Variants in OTOA observed in about 807,000 individuals in gnomAD.
OTOA encodes cancer/testis antigen 108.
A neutral mutation model predicts 110.8 loss-of-function variants in OTOA; 70 were observed. That is an observed-to-expected ratio of 0.63 (90% confidence interval 0.52 to 0.77). The LOEUF (loss-of-function observed/expected upper bound fraction) is 0.77. Among genes scored for constraint, OTOA ranks in the 30% least tolerant of loss-of-function variants. The pLI, the probability that OTOA is intolerant of heterozygous loss-of-function variation, is 0.00. For synonymous variants in OTOA, 373 were observed against 431.5 expected, an observed-to-expected ratio of 0.86 and a Z score of 1.68; for missense variants, 917 against 1,075.8, an observed-to-expected ratio of 0.85 and a Z score of 2.06.
At position 21,722,941 on chromosome 16, in the gene OTOA, A is replaced by G. The variant is rs1255265115; in HGVS notation, c.1843A>G (p.Arg615Gly). Residue 615 changes from arginine (R) to glycine (G), a missense_variant, in exon 18 of 29, where the codon AGA becomes GGA. Physicochemically the swap from Arg to Gly is moderately radical, Grantham distance 125. Coordinates refer to ENST00000646100, the MANE Select transcript of OTOA (RefSeq NM_144672.4). ...CLAWKYWEVS[R>G]LSMPPFLLAA... ...GGCGTGGAAATACTGGGAAGTTTCC[A>G]GATTGTCTATGCCACCTTTCCTCTT... 1.9e-6 allele frequency: 3 copies of G among 1,614,192 alleles called. No homozygotes were observed. The highest frequency in any genetic ancestry group is 3.3e-5 in the Admixed American group (2 of 60,010).
At chr16:21,703,585 C>T (rs777878555) in intron 11 of OTOA, among the ~76,000 whole-genome samples, 3 of 152,108 alleles carry the variant, frequency 2.0e-5, no homozygotes, top group Admixed American at 6.6e-5. Flanking sequence ...TTATTCTCAA[C>T]GTGGTTATTA....
At chr16:21,726,754 G>T in intron 19 of OTOA, 96 bp downstream of exon 19, 1 of 1,524,996 alleles carries the variant, frequency 6.6e-7, no homozygotes, top group Non-Finnish European at 9.1e-7. Flanking sequence ...TGAGCCTGCT[G>T]TGATGGCCAG....
chr16:21,722,546 T>C (rs1408625360), intron 17 of OTOA, among the ~76,000 whole-genome samples: 2 of 151,900 alleles, frequency 1.3e-5, no homozygotes. Context: ...TTAGTGTTAA[T>C]ATATATATAA....
chr16:21,681,915 A>G, intron 6 of OTOA, 90 bp downstream of exon 6: 1 of 1,182,798 alleles, frequency 8.5e-7, no homozygotes, highest in South Asian at 1.2e-5. Context: ...AGTGGGCTGG[A>G]TGTAGAGATA....
rs779280512 is a variant in OTOA, at chr16:21,681,795, G to C, written c.237G>C (p.Arg79=). 1.2e-6 allele frequency: 2 copies of C among 1,613,934 alleles called. No individual in the cohort carries two copies. The highest frequency in any genetic ancestry group is 2.7e-5 in the African/African-American group (2 of 74,884). ...SHRVLAYLNS[R]NVAFTIPSLQ... The stretch of plus-strand genomic sequence containing the variant: ...GAGTCCTGGCCTATCTGAATTCCCG[G>C]AATGTTGCCTTCACCATCCCCAGCC... Residue 79 remains arginine (R), a synonymous_variant, in exon 6 of 29, where the codon CGG becomes CGC. Transcript: ENST00000646100.
At chr16:21,667,442 C>G (rs1167660944) in intron 1 of OTOA, among the ~76,000 whole-genome samples, 1 of 152,018 alleles carries the variant, frequency 6.6e-6, no homozygotes, top group African/African-American at 2.4e-5. Flanking sequence ...ATCACAAGAT[C>G]AGGAGATCGA....
At position 21,715,013 on chromosome 16, in the gene OTOA, T is replaced by C; in HGVS notation, c.1349T>C (p.Met450Thr). ...CTGTCTTTCTACAATGTCAGCCAGA[T>C]GGGCGCACTGCTGGCTGGGGTCAGC... ...KVLSFYNVSQ[M>T]GALLAGVSTQ... The change falls in exon 14 of 29, where the codon ATG becomes ACG. Residue 450 changes from methionine (M) to threonine (T), a missense_variant. This residue lies in a region of OTOA where 840 missense variants were observed against 910.2 expected (regional missense o/e 0.92). Transcript: ENST00000646100. 1 of 1,614,188 alleles carries C rather than the reference T, an allele frequency of 6.2e-7. No individual in the cohort carries two copies. The highest frequency in any genetic ancestry group is 8.5e-7 in the Non-Finnish European group (1 of 1,180,014).
chr16:21,692,725 G>A (rs1244328648), intron 9 of OTOA, among the ~76,000 whole-genome samples: 1 of 151,840 alleles, frequency 6.6e-6, no homozygotes, highest in Non-Finnish European at 1.5e-5. Context: ...TCAGGAGTTC[G>A]AGACCAGCCT....
At chr16:21,689,447 GGAGA>G (rs752402037) in intron 8 of OTOA, among the ~76,000 whole-genome samples, 19 of 152,102 alleles carry the variant, frequency 1.2e-4, no homozygotes, top group Non-Finnish European at 2.5e-4. Context: ...AACATCATTG[GGAGA>G]GAGAGTTTAT....
rs1258856365 is a variant in OTOA at position 21,751,737 on chromosome 16, A to G, written c.2776-198A>G. On this transcript the variant is annotated intron_variant, in intron 24 of 28. Coordinates refer to ENST00000646100, the MANE Select transcript of OTOA (RefSeq NM_144672.4). ...TTGCCTGAAGACACTTTCATAGATT[A>G]GGGGACATACTCAGTTGAAGTAGTA... 1.7e-5 allele frequency among the ~76,000 whole-genome samples: 2 copies of G among 115,996 alleles called. 1 individual carries two copies. Among genetic ancestry groups the G allele is most frequent in the Non-Finnish European group, 3.8e-5 (2 of 52,136 alleles). The allele number at this position is 115,996 out of a possible 152,430, so 76.1% of individuals were successfully genotyped here.
rs201828021 is a variant in OTOA, at chr16:21,709,920, G to A, written c.1137G>A (p.Glu379=). The A allele has an allele frequency of 1.2e-6, 2 of 1,614,004 alleles. No homozygotes were observed. The highest frequency in any genetic ancestry group is 1.7e-6 in the Non-Finnish European group (2 of 1,179,930). The part of the protein sequence containing the change: ...LKAELLDIAM[E]NQTLNETLGS... ...CAGAACTCCTGGACATTGCCATGGA[G>A]AACCAGACCCTCAATGAGACCCTGG... The change falls in exon 13 of 29, where the codon GAG becomes GAA. Residue 379 remains glutamate, a synonymous_variant. Transcript: ENST00000646100.
chr16:21,703,168 T>A (rs1898086216), intron 11 of OTOA, among the ~76,000 whole-genome samples: 1 of 152,098 alleles, frequency 6.6e-6, no homozygotes, highest in Non-Finnish European at 1.5e-5. Flanking sequence ...TATGATACAT[T>A]GTTATTAACT....
At chr16:21,707,612 T>C (rs1051004429) in intron 12 of OTOA, among the ~76,000 whole-genome samples, 3 of 95,052 alleles carry the variant, frequency 3.2e-5, no homozygotes, top group Non-Finnish European at 5.2e-5. Flanking sequence ...TTTCTTTCTT[T>C]CTTTCTTTCT....
chr16:21,694,140 T>C (rs1163667819), intron 9 of OTOA, among the ~76,000 whole-genome samples: 1 of 152,050 alleles, frequency 6.6e-6, no homozygotes, highest in Non-Finnish European at 1.5e-5. Flanking sequence ...CTTTCAGCTA[T>C]TAAAAAAGGT....
Position 21,721,232 on chromosome 16 carries a change from TACACACACACACAC to T in OTOA, c.1807-1639_1807-1626del, listed in dbSNP as rs35961471. Reference sequence around the variant, plus strand: ...GCCCATTCTGAAAACACATAATTATTACACACACACACACACACACACACACACACACACACACA... The same window carrying T: ...GCCCATTCTGAAAACACATAATTATTACACACACACACACACACACACACA... On this transcript the variant is annotated intron_variant, in intron 17 of 28. Coordinates refer to ENST00000646100, the MANE Select transcript of OTOA (RefSeq NM_144672.4). 1,913 of 372,480 alleles carry T rather than the reference TACACACACACACAC, an allele frequency of 5.1e-3. 19 individuals are homozygous for T. The East Asian group carries it at 0.075, about 15-fold the overall frequency. The allele number at this position is 372,480 out of a possible 1,614,324, so 23.1% of individuals were successfully genotyped here.
chr16:21,695,687 C>T (rs1897917488), intron 9 of OTOA, among the ~76,000 whole-genome samples: 1 of 151,532 alleles, frequency 6.6e-6, no homozygotes, highest in South Asian at 2.1e-4. Context: ...TTGCCCACGG[C>T]TTCTGCAAAT....
chr16:21,704,427 A>C (rs1234654903), intron 11 of OTOA, among the ~76,000 whole-genome samples: 1 of 152,108 alleles, frequency 6.6e-6, no homozygotes, highest in African/African-American at 2.4e-5. Flanking sequence ...TTTAAGTCCC[A>C]GCTCCACCGA....
chr16:21,664,428 A>AG (rs905469549), intron 1 of OTOA, among the ~76,000 whole-genome samples, 196 bp downstream of exon 1: 12 of 151,114 alleles, frequency 7.9e-5, no homozygotes, highest in East Asian at 5.8e-4. Flanking sequence ...GGGCACTTGG[A>AG]GGGGGGGGAC....
At position 21,691,690 on chromosome 16, in the gene OTOA, G is replaced by C. The variant is rs767255026; in HGVS notation, c.739+3G>C. The C allele has an allele frequency of 4.3e-6, 7 of 1,611,824 alleles. No individual in the cohort carries two copies. In the South Asian group the frequency reaches 7.7e-5, roughly 18 times the overall value. The stretch of plus-strand genomic sequence containing the variant: ...GCAGACATCCTCCAATGCCACTGGT[G>C]AGCCTGTACTTGGAGGTGGGGTCAC... On this transcript the variant is annotated splice_donor_region_variant and intron_variant, in intron 9 of 28. Coordinates refer to ENST00000646100, the MANE Select transcript of OTOA (RefSeq NM_144672.4).
Sources: gnomAD v4.1 joint callset for allele counts (sites outside exome capture counted in the v4.1 genomes callset) on GRCh38, gnomAD v4.1.1 for gene constraint, gnomAD v4.1.1 regional missense constraint, MANE v1.5 for transcripts, NCBI Gene and HGNC (gene_info 2026-07-23, HGNC 2026-07-21) for gene names.